The following TARBP1 variants were observed in gnomAD, a reference collection of about 807,000 sequenced individuals.
The protein encoded by TARBP1 is tRNA guanosine 2 -O-methyltransferase TARBP1, also known as tRNA (guanosine(18)-2'-O)-methyltransferase TARBP1.
In TARBP1, 144 loss-of-function variants were observed where a neutral mutation model predicts 178.6. The ratio of observed to expected loss-of-function variants is 0.81; its 90% confidence interval spans 0.70 to 0.93. The LOEUF (loss-of-function observed/expected upper bound fraction) is 0.93. TARBP1 is among the 40% of genes least tolerant of loss of function. The pLI is 0.00. For synonymous variants in TARBP1, 787 were observed against 781.0 expected (o/e 1.01, Z -0.13); for missense variants, 2,067 against 2,011.7 (o/e 1.03, Z -0.53).
intron 26 of TARBP1, among the ~76,000 whole-genome samples, chr1:234,394,789 A>G (rs1304860940): frequency 6.6e-6 from 1 of 152,222 alleles, no homozygotes; most frequent in African/African-American, 2.4e-5. Context: ...TTTGCATACA[A>G]TGATAAAGAA....
chr1:234,474,318 C>A (rs1669387276), intron 1 of TARBP1, among the ~76,000 whole-genome samples: 1 of 143,044 alleles, frequency 7.0e-6, no homozygotes, highest in Non-Finnish European at 1.5e-5. Flanking sequence ...AAAACTCAAT[C>A]CAAAATCATA....
intron 1 of TARBP1, among the ~76,000 whole-genome samples, chr1:234,473,457 A>G (rs1271062211): frequency 6.6e-6 from 1 of 152,214 alleles, no homozygotes; most frequent in African/African-American, 2.4e-5. Context: ...CACAGGACAC[A>G]GCAGACATTA....
Position 234,430,221 on chromosome 1 carries a change from C to G in TARBP1, c.2475G>C (p.Lys825Asn). 6.2e-7 allele frequency: 1 copy of G among 1,614,218 alleles called. No individual in the cohort carries two copies. The highest frequency in any genetic ancestry group is 2.2e-5 in the East Asian group (1 of 44,890). ...GGAGAGAGTCCAGCTGCAGCTCAGG[C>G]TTCTGGTCTATGGCCTCACACACCA... is the stretch of plus-strand genomic sequence containing the variant. ...LAMVCEAIDQ[K>N]PELQLDSLHA... Residue 825 changes from lysine to asparagine, a missense_variant, in exon 15 of 30, where the codon AAG becomes AAC. By Grantham distance (94) the Lys-to-Asn change is moderately conservative. Transcript: ENST00000040877.
At position 234,478,575 on chromosome 1, in the gene TARBP1, C is replaced by G; in HGVS notation, c.529G>C (p.Asp177His). ...TCGGCAGGCCCGGCCTCATCCCCGT[C>G]CCCGCCCCCGCCCAGCGCCAGGGCG... ...AVALALGGGG[D>H]GDEAGPAEDA... The change falls in exon 1 of 30, where the codon GAC becomes CAC. Residue 177 changes from aspartate (D) to histidine (H), a missense_variant. Coordinates refer to ENST00000040877, the MANE Select transcript of TARBP1 (RefSeq NM_005646.4). The G allele has an allele frequency of 7.8e-7, 1 of 1,287,996 alleles. No individual in the cohort carries two copies. 79.8% of individuals were successfully genotyped at this position (1,287,996 alleles called of 1,614,324 possible).
chr1:234,427,507 G>A, intron 18 of TARBP1, 69 bp downstream of exon 18: 1 of 1,474,716 alleles, frequency 6.8e-7, no homozygotes, highest in East Asian at 2.4e-5. Context: ...TCAAAACAAA[G>A]ACATAATTCT....
intron 6 of TARBP1, among the ~76,000 whole-genome samples, chr1:234,462,284 C>T (rs1353875837): frequency 1.3e-5 from 2 of 152,244 alleles, no homozygotes; most frequent in African/African-American, 4.8e-5. Flanking sequence ...TGACCGACAT[C>T]ACTTCACTCA....
intron 9 of TARBP1, among the ~76,000 whole-genome samples, 195 bp from the exon 10 acceptor site, chr1:234,450,761 T>C (rs1004375328): frequency 6.7e-6 from 1 of 148,214 alleles, no homozygotes; most frequent in Non-Finnish European, 1.5e-5. Context: ...TATATATTTA[T>C]GTATGCGTAT....
intron 23 of TARBP1, among the ~76,000 whole-genome samples, chr1:234,408,564 G>A (rs888829186): frequency 6.6e-6 from 1 of 151,892 alleles, no homozygotes. Flanking sequence ...CTCCTATGTC[G>A]GTGCTCGAGA....
chr1:234,435,655 G>A (rs932718047), intron 13 of TARBP1, among the ~76,000 whole-genome samples: 32 of 152,170 alleles, frequency 2.1e-4, no homozygotes, highest in Non-Finnish European at 7.4e-5. Context: ...TGTAACAAAG[G>A]GAAGACAGGG....
At chr1:234,409,722 A>G (rs541058062) in intron 23 of TARBP1, among the ~76,000 whole-genome samples, 1 of 152,262 alleles carries the variant, frequency 6.6e-6, no homozygotes, top group African/African-American at 2.4e-5. Context: ...AGGAAAGCTT[A>G]TTTTCCCTTA....
Position 234,457,737 on chromosome 1 carries a change from T to TCAG in TARBP1, c.1649_1651dup (p.Ser550_Asp551insAla), listed in dbSNP as rs751325933. The TCAG allele has an allele frequency of 4.8e-5, 78 of 1,609,312 alleles. No homozygotes were observed. In the South Asian group the frequency reaches 8.3e-4, roughly 17 times the overall value. ...CAGAGACATGAGAAAAGTTGAGACA[T>TCAG]CAGAAAGTGACACTTTCTCCTGGGC... is the stretch of plus-strand genomic sequence containing the variant. On this transcript the variant is annotated inframe_insertion, in exon 9 of 30. Transcript: ENST00000040877.
intron 3 of TARBP1, among the ~76,000 whole-genome samples, chr1:234,470,004 C>T (rs1379453714): frequency 6.6e-6 from 1 of 152,202 alleles, no homozygotes; most frequent in Non-Finnish European, 1.5e-5. Flanking sequence ...CGGTGGCTCA[C>T]ACCTGTAATC....
intron 12 of TARBP1, among the ~76,000 whole-genome samples, chr1:234,446,334 A>G (rs1420287525): frequency 1.3e-5 from 2 of 152,192 alleles, no homozygotes; most frequent in African/African-American, 4.8e-5. Flanking sequence ...TTCTACTTAA[A>G]AGGTACTCGG....
intron 13 of TARBP1, among the ~76,000 whole-genome samples, chr1:234,436,510 G>A (rs918653333): frequency 6.6e-6 from 1 of 151,952 alleles, no homozygotes; most frequent in Non-Finnish European, 1.5e-5. Flanking sequence ...TAGCTTCCTT[G>A]CCTTTCTATA....
rs747201682 is a variant in TARBP1 at position 234,471,203 on chromosome 1, C to A, written c.1084G>T (p.Val362Leu). Residue 362 changes from valine (V) to leucine (L), a missense_variant, in exon 3 of 30, where the codon GTG (valine) becomes TTG (leucine). Physicochemically the swap from Val to Leu is conservative, Grantham distance 32 (BLOSUM62 1). Transcript: ENST00000040877. The part of the protein sequence containing the change: ...PKLNNLFEYA[V>L]SEENGCWLFH... ...TAATCGTTACCATTTTCCTCTGACA[C>A]CGCATATTCAAACAGATTGTTTAGC... is the stretch of plus-strand genomic sequence containing the variant. 1.9e-5 allele frequency: 31 copies of A among 1,599,672 alleles called. No homozygotes were observed. The highest frequency in any genetic ancestry group is 2.4e-5 in the Non-Finnish European group (28 of 1,175,712).
intron 22 of TARBP1, among the ~76,000 whole-genome samples, chr1:234,416,453 C>T (rs753977308): frequency 1.3e-3 from 204 of 152,208 alleles, no homozygotes; most frequent in Non-Finnish European, 2.3e-3. Context: ...TGCACCACCC[C>T]ACCTGGCTAA....
chr1:234,391,707 T>A lies in TARBP1; in HGVS notation c.4736A>T (p.Gln1579Leu), dbSNP rs751150966. The change falls in exon 30 of 30, where the codon CAG (glutamine) becomes CTG (leucine). Residue 1579 changes from glutamine (Q) to leucine (L), a missense_variant. Physicochemically the swap from Gln to Leu is moderately radical, Grantham distance 113 (BLOSUM62 -2). Coordinates refer to ENST00000040877, the MANE Select transcript of TARBP1 (RefSeq NM_005646.4). The part of the protein sequence containing the change: ...REGIPANLIQ[Q>L]LDVCVEIPQQ... The stretch of plus-strand genomic sequence containing the variant: ...AGGAATTTCCACACAAACGTCCAAC[T>A]GTTGGATCAGATTTGCTGGAATTCC... 8.1e-6 allele frequency: 13 copies of A among 1,613,488 alleles called. No individual in the cohort carries two copies. The East Asian group carries it at 2.7e-4, about 33-fold the overall frequency.
At chr1:234,446,229 G>A (rs1260104081) in intron 12 of TARBP1, among the ~76,000 whole-genome samples, 1 of 152,034 alleles carries the variant, frequency 6.6e-6, no homozygotes, top group Admixed American at 6.6e-5. Context: ...TGATGTCTAC[G>A]GGTTTTCAAC....
intron 12 of TARBP1, among the ~76,000 whole-genome samples, chr1:234,437,883 G>C (rs1000879536): frequency 2.6e-5 from 4 of 152,218 alleles, no homozygotes; most frequent in African/African-American, 7.2e-5. Context: ...AGGGATGCAG[G>C]AAAGTGGCCT....
Sources: gnomAD v4.1 joint callset for allele counts (sites outside exome capture counted in the v4.1 genomes callset) on GRCh38, gnomAD v4.1.1 for gene constraint, MANE v1.5 for transcripts, NCBI Gene and HGNC (gene_info 2026-07-23, HGNC 2026-07-21) for gene names.